Variants in LIN7A observed in about 807,000 individuals in gnomAD.
The protein encoded by LIN7A is lin-7 cell polarity scaffold A.
LIN7A carries 25 observed loss-of-function variants against 29.8 expected under a neutral mutation model. The ratio of observed to expected loss-of-function variants is 0.84; its 90% confidence interval spans 0.61 to 1.17. The LOEUF is 1.17. LIN7A is among the 50% of genes most tolerant of loss of function. The pLI, the probability that LIN7A is intolerant of heterozygous loss-of-function variation, is 0.00. For synonymous variants in LIN7A, 118 were observed against 107.5 expected, an observed-to-expected ratio of 1.10 and a Z score of -0.60; for missense variants, 239 against 287.0, an observed-to-expected ratio of 0.83 and a Z score of 1.21.
At chr12:80,877,025 G>C (rs903162200) in intron 2 of LIN7A, among the ~76,000 whole-genome samples, 1 of 151,326 alleles carries the variant, frequency 6.6e-6, no homozygotes, top group African/African-American at 2.4e-5. Flanking sequence ...GGGAGGCTAA[G>C]GTAGGAGAAT....
At chr12:80,842,376 G>A (rs1442805394) in intron 4 of LIN7A, among the ~76,000 whole-genome samples, 1 of 151,928 alleles carries the variant, frequency 6.6e-6, no homozygotes, top group African/African-American at 2.4e-5. Flanking sequence ...TATTTTGCCT[G>A]CATTTAGAAA....
intron 1 of LIN7A, among the ~76,000 whole-genome samples, chr12:80,899,246 T>G (rs2120718032): frequency 6.6e-6 from 1 of 152,250 alleles, no homozygotes; most frequent in East Asian, 1.9e-4. Flanking sequence ...ATCATATGGG[T>G]TTTGTTTTTA....
chr12:80,932,251 T>C (rs1877955068), intron 1 of LIN7A, among the ~76,000 whole-genome samples: 1 of 152,236 alleles, frequency 6.6e-6, no homozygotes, highest in Non-Finnish European at 1.5e-5. Flanking sequence ...GTTATTTGCA[T>C]TCAATTTTTG....
At chr12:80,892,531 A>C (rs574581826) in intron 1 of LIN7A, among the ~76,000 whole-genome samples, 1 of 152,250 alleles carries the variant, frequency 6.6e-6, no homozygotes, top group Admixed American at 6.5e-5. Context: ...AAATGATACT[A>C]TCCTGAATAT....
chr12:80,827,898 C>A (rs1303514865), intron 4 of LIN7A, among the ~76,000 whole-genome samples: 1 of 152,172 alleles, frequency 6.6e-6, no homozygotes, highest in African/African-American at 2.4e-5. Flanking sequence ...CCCCATCATT[C>A]ATATTCAAAT....
chr12:80,886,359 C>G (rs975257471), intron 2 of LIN7A, among the ~76,000 whole-genome samples: 1 of 151,934 alleles, frequency 6.6e-6, no homozygotes. Context: ...TGGCAACATG[C>G]ATTCATATTT....
At chr12:80,896,614 T>C (rs775924650) in intron 1 of LIN7A, among the ~76,000 whole-genome samples, 2 of 152,252 alleles carry the variant, frequency 1.3e-5, no homozygotes, top group Admixed American at 6.5e-5. Flanking sequence ...TGCAGACTAA[T>C]TGGCAAACCC....
At chr12:80,830,447 T>G (rs12316187) in intron 4 of LIN7A, among the ~76,000 whole-genome samples, 1 of 151,990 alleles carries the variant, frequency 6.6e-6, no homozygotes, top group South Asian at 2.1e-4. Context: ...GCATTTAGAG[T>G]GCTCTGCAGA....
intron 1 of LIN7A, among the ~76,000 whole-genome samples, chr12:80,908,341 G>A (rs1433038835): frequency 6.6e-6 from 1 of 151,910 alleles, no homozygotes; most frequent in African/African-American, 2.4e-5. Flanking sequence ...ATGTTAAATG[G>A]TTATGAAATT....
chr12:80,833,585 T>C (rs142809305), intron 4 of LIN7A, among the ~76,000 whole-genome samples: 4 of 152,318 alleles, frequency 2.6e-5, no homozygotes, highest in African/African-American at 9.6e-5. Context: ...CCTACCACTT[T>C]CAAATGTTAA....
chr12:80,842,224 T>G, intron 4 of LIN7A: 1 of 847,786 alleles, frequency 1.2e-6, no homozygotes, highest in Non-Finnish European at 1.6e-6. Flanking sequence ...TAACCTAACA[T>G]TCCATGTTAA....
intron 1 of LIN7A, among the ~76,000 whole-genome samples, chr12:80,892,462 C>G (rs554937250): frequency 5.3e-4 from 80 of 152,194 alleles, no homozygotes; most frequent in African/African-American, 1.8e-3. Context: ...AAAGGCAAGC[C>G]TAAATCTGCA....
intron 4 of LIN7A, among the ~76,000 whole-genome samples, chr12:80,823,411 A>G (rs12320821): frequency 1.2e-4 from 19 of 152,204 alleles, no homozygotes; most frequent in African/African-American, 3.9e-4. Context: ...CCAGGCATGG[A>G]AGCTGTTTGT....
At chr12:80,811,759 T>C in intron 4 of LIN7A, 76 bp from the exon 5 acceptor site, 1 of 1,530,496 alleles carries the variant, frequency 6.5e-7, no homozygotes, top group South Asian at 1.2e-5. Context: ...GAAATTAATA[T>C]CACATTAAGA....
intron 4 of LIN7A, among the ~76,000 whole-genome samples, chr12:80,834,851 C>T (rs1239106170): frequency 6.6e-6 from 1 of 152,170 alleles, no homozygotes; most frequent in African/African-American, 2.4e-5. Flanking sequence ...ACTTGGCTTG[C>T]ATTTCACTAG....
intron 2 of LIN7A, among the ~76,000 whole-genome samples, chr12:80,861,972 T>G (rs187762121): frequency 6.6e-6 from 1 of 152,342 alleles, no homozygotes; most frequent in East Asian, 1.9e-4. Flanking sequence ...TTCTTTTAGA[T>G]TATTTTAAAG....
At chr12:80,925,996 T>C (rs1877563129) in intron 1 of LIN7A, among the ~76,000 whole-genome samples, 1 of 152,198 alleles carries the variant, frequency 6.6e-6, no homozygotes, top group Admixed American at 6.5e-5. Context: ...ATGATCATCA[T>C]TGCACTAGCT....
intron 1 of LIN7A, among the ~76,000 whole-genome samples, chr12:80,927,167 T>C (rs1478393172): frequency 2.3e-5 from 3 of 130,262 alleles, no homozygotes; most frequent in Non-Finnish European, 4.9e-5. Flanking sequence ...TTTTTTTTTT[T>C]TTTTTTTTTT....
At chr12:80,910,921 T>C (rs1338476149) in intron 1 of LIN7A, among the ~76,000 whole-genome samples, 1 of 152,202 alleles carries the variant, frequency 6.6e-6, no homozygotes, top group African/African-American at 2.4e-5. Flanking sequence ...AAGTGATCCC[T>C]TTCTAGTATT....
Sources: gnomAD v4.1 joint callset for allele counts (sites outside exome capture counted in the v4.1 genomes callset) on GRCh38, gnomAD v4.1.1 for gene constraint, MANE v1.5 for transcripts, NCBI Gene and HGNC (gene_info 2026-07-23, HGNC 2026-07-21) for gene names.